The following FHOD3 variants were observed in gnomAD, a reference collection of about 807,000 sequenced individuals.
FHOD3 encodes the protein formin homology 2 domain containing 3.
FHOD3 carries 90 observed loss-of-function variants against 173.0 expected under a neutral mutation model. That is an observed-to-expected ratio of 0.52 (90% CI 0.44 to 0.62). FHOD3 has a LOEUF of 0.62. Among genes scored for constraint, FHOD3 ranks in the 20% least tolerant of loss-of-function variants. The pLI is 0.00. For missense variants in FHOD3, 1,945 were observed against 2,034.7 expected (o/e 0.96, Z 0.85); for synonymous variants, 828 against 823.0 (o/e 1.01, Z -0.10).
At chr18:36,339,096 C>T (rs995054098) in intron 1 of FHOD3, among the ~76,000 whole-genome samples, 2 of 152,102 alleles carry the variant, frequency 1.3e-5, no homozygotes, top group African/African-American at 4.8e-5. Context: ...TGCATCAGAT[C>T]ACCTGTGGGT....
intron 5 of FHOD3, among the ~76,000 whole-genome samples, 186 bp from the exon 6 acceptor site, chr18:36,576,265 C>G (rs1411218495): frequency 2.0e-5 from 3 of 152,302 alleles, no homozygotes; most frequent in Admixed American, 2.0e-4. Flanking sequence ...CTTGTTTCTT[C>G]TAGTGTTCGA....
intron 6 of FHOD3, among the ~76,000 whole-genome samples, chr18:36,588,527 A>AG (rs2059114081): frequency 6.6e-6 from 1 of 152,194 alleles, no homozygotes; most frequent in Non-Finnish European, 1.5e-5. Context: ...ATGGTTTTCC[A>AG]ACCCCCTTTG....
intron 14 of FHOD3, among the ~76,000 whole-genome samples, chr18:36,663,174 T>C (rs887413660): frequency 6.6e-6 from 1 of 152,200 alleles, no homozygotes; most frequent in Non-Finnish European, 1.5e-5. Context: ...TTTTGTCACA[T>C]TTAAATGTTT....
At chr18:36,776,764 G>T (rs1315663329) in intron 28 of FHOD3, among the ~76,000 whole-genome samples, 1 of 152,078 alleles carries the variant, frequency 6.6e-6, no homozygotes, top group African/African-American at 2.4e-5. Flanking sequence ...CATCCCAAGG[G>T]GTCTGGAATA....
At chr18:36,759,573 T>C (rs553930397) in intron 26 of FHOD3, among the ~76,000 whole-genome samples, 2 of 152,344 alleles carry the variant, frequency 1.3e-5, no homozygotes, top group East Asian at 3.9e-4. Flanking sequence ...CCCCAGCCAG[T>C]AGGCAGCCTC....
rs764279420 is a variant in FHOD3 at position 36,576,447 on chromosome 18, G to C, written c.512-4G>C. The C allele has an allele frequency of 6.2e-7, 1 of 1,608,110 alleles. No individual in the cohort carries two copies. The highest frequency in any genetic ancestry group is 8.5e-7 in the Non-Finnish European group (1 of 1,177,342). ...ATGTCTCCTTTTTCTCTTGTTTTCT[G>C]TAGCTTTGGGCCAGATTATGTTGTA... On this transcript the variant is annotated splice_region_variant and splice_polypyrimidine_tract_variant and intron_variant, in intron 5 of 28. Coordinates refer to ENST00000590592, the MANE Select transcript of FHOD3 (RefSeq NM_001281740.3).
chr18:36,697,822 T>C (rs1000272970), intron 17 of FHOD3, among the ~76,000 whole-genome samples: 2 of 152,246 alleles, frequency 1.3e-5, no homozygotes, highest in Admixed American at 1.3e-4. Context: ...ATGTTTAGTT[T>C]GTCTAAATGA....
chr18:36,639,086 T>C (rs1278525941), intron 10 of FHOD3, among the ~76,000 whole-genome samples: 1 of 152,168 alleles, frequency 6.6e-6, no homozygotes, highest in Non-Finnish European at 1.5e-5. Flanking sequence ...AGAAAGACCC[T>C]GAGCAGGGCT....
chr18:36,686,195 A>G (rs955991497), intron 15 of FHOD3, among the ~76,000 whole-genome samples: 2 of 152,170 alleles, frequency 1.3e-5, no homozygotes, highest in Non-Finnish European at 2.9e-5. Flanking sequence ...AAGACATGGA[A>G]TCAACCCAAA....
chr18:36,460,879 C>T (rs1487688280), intron 3 of FHOD3, among the ~76,000 whole-genome samples: 4 of 152,138 alleles, frequency 2.6e-5, no homozygotes, highest in Non-Finnish European at 1.5e-5. Flanking sequence ...CTACATGCTC[C>T]TGCTCCCCCT....
At chr18:36,588,395 T>C (rs535318690) in intron 6 of FHOD3, among the ~76,000 whole-genome samples, 1 of 152,356 alleles carries the variant, frequency 6.6e-6, no homozygotes, top group East Asian at 1.9e-4. Context: ...GTAAACAATG[T>C]GGTAAAACTT....
chr18:36,691,377 C>T (rs566661186), intron 16 of FHOD3, among the ~76,000 whole-genome samples: 1 of 152,220 alleles, frequency 6.6e-6, no homozygotes, highest in African/African-American at 2.4e-5. Context: ...GCCCCTTTAT[C>T]CTGTGGCAGC....
Position 36,652,660 on chromosome 18 carries a change from G to A in FHOD3, c.1377G>A (p.Ser459=), listed in dbSNP as rs763515907. Residue 459 remains serine, a synonymous_variant, in exon 12 of 29, where the codon TCG becomes TCA. Transcript: ENST00000590592. ...SALPAVSNAS[S]QGKPLLVGTA... is the part of the protein sequence containing the mutation. Reference sequence around the variant, plus strand: ...TCCCTGCTGTCTCGAATGCCAGCTCGCAGGGAAAGCCGCTTCTGGTTGGCA... The same window carrying A: ...TCCCTGCTGTCTCGAATGCCAGCTCACAGGGAAAGCCGCTTCTGGTTGGCA... The A allele has an allele frequency of 5.0e-5, 77 of 1,535,562 alleles. No individual in the cohort carries two copies. Among genetic ancestry groups the A allele is most frequent in the Admixed American group, 4.5e-4 (23 of 50,980 alleles).
intron 17 of FHOD3, 58 bp from the exon 18 acceptor site, chr18:36,709,037 C>T (rs569690822): frequency 6.4e-7 from 1 of 1,570,068 alleles, no homozygotes; most frequent in African/African-American, 1.3e-5. Flanking sequence ...ATTCTCACCT[C>T]ACTTCACCCT....
chr18:36,614,013 T>A (rs1197212767), intron 9 of FHOD3, among the ~76,000 whole-genome samples: 1 of 152,136 alleles, frequency 6.6e-6, no homozygotes, highest in Non-Finnish European at 1.5e-5. Context: ...CACCCATCCT[T>A]CACATTCCAC....
Position 36,681,386 on chromosome 18 carries a change from C to T in FHOD3, c.1836-50C>T, listed in dbSNP as rs758873628. The T allele has an allele frequency of 2.1e-5, 33 of 1,609,146 alleles. 1 individual carries two copies. The South Asian group carries it at 3.5e-4, about 17-fold the overall frequency. On this transcript the variant is annotated intron_variant, in intron 14 of 28. Transcript: ENST00000590592. ...GGTCTGACTGGTGCTTACTTCAGTA[C>T]TTTTAATCACAGGCCAAGCAACTGA... is the stretch of plus-strand genomic sequence containing the variant.
chr18:36,438,567 C>T (rs1336472360), intron 3 of FHOD3, among the ~76,000 whole-genome samples: 4 of 152,196 alleles, frequency 2.6e-5, no homozygotes, highest in Admixed American at 1.3e-4. Context: ...CCCTCAAACT[C>T]AGCATGACCA....
At chr18:36,474,982 CACAT>C (rs1164569051) in intron 3 of FHOD3, among the ~76,000 whole-genome samples, 28 of 95,932 alleles carry the variant, frequency 2.9e-4, no homozygotes, top group South Asian at 1.2e-3. Flanking sequence ...TGAAAATACA[CACAT>C]ACACACACAC....
intron 23 of FHOD3, among the ~76,000 whole-genome samples, chr18:36,744,821 G>A (rs997255604): frequency 6.6e-6 from 1 of 152,208 alleles, no homozygotes; most frequent in Non-Finnish European, 1.5e-5. Flanking sequence ...CTAGTGCAGG[G>A]GGTCACTGAG....
Sources: gnomAD v4.1 joint callset for allele counts (sites outside exome capture counted in the v4.1 genomes callset) on GRCh38, gnomAD v4.1.1 for gene constraint, MANE v1.5 for transcripts, NCBI Gene and HGNC (gene_info 2026-07-23, HGNC 2026-07-21) for gene names.